Variants in STOX2 observed in about 807,000 individuals in gnomAD.
STOX2 encodes the protein storkhead box 2.
A neutral mutation model predicts 60.9 loss-of-function variants in STOX2; 28 were observed. The observed-to-expected ratio is 0.46, with a 90% confidence interval of 0.34 to 0.63. The LOEUF (loss-of-function observed/expected upper bound fraction) is 0.63, where lower values mean the gene tolerates loss of function less well. Ranked by LOEUF, STOX2 falls within the 30% of genes least tolerant of loss-of-function variation. The pLI is 0.01. For synonymous variants in STOX2, 472 were observed against 463.9 expected (o/e 1.02, Z -0.22); for missense variants, 1,024 against 1,187.7 (o/e 0.86, Z 2.03).
In STOX2 at chr4:184,019,471, A is replaced by G. The variant is rs1734494104; in HGVS notation, c.*2187A>G. On this transcript the variant is annotated 3_prime_UTR_variant, in exon 4 of 4. Transcript: ENST00000308497. ...CAGTTCATAAATAATATAACCATTG[A>G]AACAACACATCAGCCTCTAGCTGAT... 1 of 152,216 alleles carries G rather than the reference A, an allele frequency of 6.6e-6. No homozygotes were observed. Among genetic ancestry groups the G allele is most frequent in the Non-Finnish European group, 1.5e-5 (1 of 68,030 alleles). 9.4% of individuals were successfully genotyped at this position (152,216 alleles called of 1,614,324 possible).
At chr4:184,014,601 A>G (rs1207968535) in intron 3 of STOX2, 2 of 151,870 alleles carry the variant, frequency 1.3e-5, no homozygotes, top group Admixed American at 1.3e-4. Flanking sequence ...CAAAAAACCA[A>G]CTTTTAAATT....
upstream of STOX2, among the ~76,000 whole-genome samples, chr4:183,903,473 T>TA (rs1292066785): frequency 6.6e-6 from 1 of 152,234 alleles, no homozygotes; most frequent in African/African-American, 2.4e-5. Flanking sequence ...TTTCTGCATT[T>TA]ATTTGCCTAC....
intron 1 of STOX2, among the ~76,000 whole-genome samples, chr4:183,946,819 G>A (rs1281844371): frequency 1.3e-5 from 2 of 151,986 alleles, no homozygotes; most frequent in Admixed American, 1.3e-4. Context: ...AGAGTTGGGG[G>A]TTTCACCATG....
At chr4:183,956,814 C>T (rs192374969) in intron 1 of STOX2, among the ~76,000 whole-genome samples, 269 of 152,038 alleles carry the variant, frequency 1.8e-3, no homozygotes, top group African/African-American at 6.2e-3. Context: ...TCAGAGTTTT[C>T]CAACCTCCTT....
intron 1 of STOX2, among the ~76,000 whole-genome samples, chr4:183,877,552 C>T (rs957747658): frequency 2.6e-5 from 4 of 152,202 alleles, no homozygotes; most frequent in Non-Finnish European, 4.4e-5. Context: ...TTTGCATGCT[C>T]TGTATGCGTG....
intron 1 of STOX2, among the ~76,000 whole-genome samples, chr4:183,851,220 A>G (rs1381529062): frequency 3.2e-5 from 2 of 62,170 alleles, no homozygotes; most frequent in African/African-American, 6.0e-5. Context: ...AAAGGATGAG[A>G]GAAACGATGA....
chr4:183,884,860 C>T lies in STOX2; in HGVS notation c.364+86805C>T, dbSNP rs538004867. 3.9e-5 allele frequency among the ~76,000 whole-genome samples: 6 copies of T among 152,150 alleles called. 1 individual carries two copies. The East Asian group carries it at 5.8e-4, about 15-fold the overall frequency. On this transcript the variant is annotated intron_variant, in intron 1 of 2. Coordinates refer to the STOX2 transcript ENST00000513034. The stretch of plus-strand genomic sequence containing the variant: ...GAGTGGGATCCCGGGAGTGAGAATC[C>T]AGAAGCAGGATTTTCCTGAGAGCAG...
intron 1 of STOX2, among the ~76,000 whole-genome samples, chr4:183,866,348 A>G (rs1184709691): frequency 1.3e-5 from 2 of 152,164 alleles, no homozygotes; most frequent in African/African-American, 4.8e-5. Context: ...TGAAGAAATC[A>G]TATTATAATG....
At chr4:183,811,816 G>C (rs1464934669) in intron 1 of STOX2, among the ~76,000 whole-genome samples, 1 of 152,064 alleles carries the variant, frequency 6.6e-6, no homozygotes, top group Non-Finnish European at 1.5e-5. Context: ...CTATGGAAGA[G>C]ATAAGGTTCA....
intron 1 of STOX2, among the ~76,000 whole-genome samples, chr4:183,833,931 G>A (rs931046946): frequency 7.2e-5 from 10 of 139,454 alleles, no homozygotes; most frequent in Non-Finnish European, 9.1e-5. Flanking sequence ...GCAGTGAGCC[G>A]AGATCCCGCC....
At chr4:183,973,721 C>T (rs948187461) in intron 1 of STOX2, among the ~76,000 whole-genome samples, 8 of 152,292 alleles carry the variant, frequency 5.3e-5, no homozygotes, top group East Asian at 3.9e-4. Flanking sequence ...ATAGGCCGGG[C>T]GCTGTGGCTC....
chr4:183,952,892 C>A (rs765167669), intron 1 of STOX2, among the ~76,000 whole-genome samples: 1 of 151,992 alleles, frequency 6.6e-6, no homozygotes, highest in Non-Finnish European at 1.5e-5. Context: ...TTTGGAGGGA[C>A]ATGGATGAAG....
At chr4:183,917,184 T>A (rs149366641) in intron 1 of STOX2, among the ~76,000 whole-genome samples, 1,681 of 152,334 alleles carry the variant, frequency 0.011, 12 homozygotes, top group Middle Eastern at 0.02. Context: ...CAGTGGACTC[T>A]GTATTTCACA....
intron 1 of STOX2, among the ~76,000 whole-genome samples, chr4:183,898,403 A>G (rs1420869937): frequency 6.6e-6 from 1 of 152,212 alleles, no homozygotes; most frequent in Non-Finnish European, 1.5e-5. Flanking sequence ...GAGACTGGGC[A>G]TAAAGATGAT....
At position 183,971,083 on chromosome 4, in the gene STOX2, G is replaced by C. The variant is rs564650194; in HGVS notation, c.167-30242G>C. ...TAACTGTCAAGATGTAATATCTGAG[G>C]GGTTTTTTTGGTGGAACTTTTTGTG... On this transcript the variant is annotated intron_variant, in intron 1 of 3. Transcript: ENST00000308497. 3.3e-5 allele frequency among the ~76,000 whole-genome samples: 5 copies of C among 152,256 alleles called. No individual in the cohort carries two copies. In the South Asian group the frequency reaches 8.3e-4, roughly 25 times the overall value.
At chr4:183,898,769 T>A (rs1396810226) in intron 1 of STOX2, among the ~76,000 whole-genome samples, 1 of 152,088 alleles carries the variant, frequency 6.6e-6, no homozygotes, top group Non-Finnish European at 1.5e-5. Context: ...GTGGCAAGCA[T>A]GAAACCAAAT....
intron 3 of STOX2, among the ~76,000 whole-genome samples, chr4:184,012,603 A>G (rs892019000): frequency 2.6e-5 from 4 of 152,088 alleles, no homozygotes; most frequent in African/African-American, 9.7e-5. Context: ...TATTATTATT[A>G]TCATCATTAT....
At chr4:183,842,707 G>A (rs910341257) in intron 1 of STOX2, among the ~76,000 whole-genome samples, 1 of 152,092 alleles carries the variant, frequency 6.6e-6, no homozygotes, top group African/African-American at 2.4e-5. Context: ...AGGGCTGATT[G>A]GTTTTCAGTC....
intron 1 of STOX2, among the ~76,000 whole-genome samples, chr4:183,891,667 C>T (rs7668149): frequency 0.51 from 77,723 of 151,322 alleles, 21,078 homozygotes; most frequent in East Asian, 0.62. Flanking sequence ...GTATACTGCT[C>T]AGGTGACAGA....
Sources: allele counts gnomAD v4.1 joint callset (sites outside exome capture counted in the v4.1 genomes callset), GRCh38; gene constraint gnomAD v4.1.1; transcripts MANE v1.5; gene names NCBI Gene and HGNC (gene_info 2026-07-23, HGNC 2026-07-21).